The following GAPVD1 variants were observed in gnomAD, a reference collection of about 807,000 sequenced individuals.
The protein encoded by GAPVD1 is GTPase-activating protein and VPS9 domain-containing protein 1.
GAPVD1 carries 35 observed loss-of-function variants against 155.5 expected under a neutral mutation model. The ratio of observed to expected loss-of-function variants is 0.23; its 90% CI spans 0.17 to 0.30. The LOEUF is 0.30. GAPVD1 is among the 10% of genes least tolerant of loss of function. The pLI is 1.00. For synonymous variants in GAPVD1, 636 were observed against 619.7 expected, an observed-to-expected ratio of 1.03 and a Z score of -0.39; for missense variants, 1,429 against 1,775.7, an observed-to-expected ratio of 0.80 and a Z score of 3.51.
intron 24 of GAPVD1, among the ~76,000 whole-genome samples, chr9:125,355,240 G>A (rs899222914): frequency 6.9e-6 from 1 of 145,762 alleles, no homozygotes; most frequent in Non-Finnish European, 1.5e-5. Flanking sequence ...CAAGTAGCTG[G>A]GATTATAGGC....
At chr9:125,314,290 T>C (rs1843073528) in intron 9 of GAPVD1, among the ~76,000 whole-genome samples, 3 of 152,224 alleles carry the variant, frequency 2.0e-5, no homozygotes, top group Admixed American at 2.0e-4. Flanking sequence ...AAATAAATTT[T>C]TTTAAGAAAT....
chr9:125,276,288 TCAAAA>T (rs908341973), intron 2 of GAPVD1, among the ~76,000 whole-genome samples: 9 of 152,170 alleles, frequency 5.9e-5, no homozygotes, highest in Non-Finnish European at 8.8e-5. Flanking sequence ...AGGCCAGAGT[TCAAAA>T]CAAAACAAAA....
intron 1 of GAPVD1, among the ~76,000 whole-genome samples, chr9:125,266,564 C>T (rs1289455953): frequency 1.3e-4 from 20 of 152,070 alleles, no homozygotes; most frequent in Admixed American, 1.2e-3. Flanking sequence ...CCACCTGCCT[C>T]GGCCTCCCAA....
intron 27 of GAPVD1, 79 bp from the exon 28 acceptor site, chr9:125,362,527 A>G (rs1411014158): frequency 1.7e-5 from 19 of 1,149,424 alleles, no homozygotes; most frequent in Non-Finnish European, 2.2e-5. Context: ...ATAGAAGAAC[A>G]TTCGAAGAAC....
intron 23 of GAPVD1, among the ~76,000 whole-genome samples, chr9:125,352,802 G>C (rs1849496896): frequency 6.6e-6 from 1 of 152,254 alleles, no homozygotes; most frequent in Admixed American, 6.5e-5. Flanking sequence ...TTTATGCTCT[G>C]TTTCCCTTAT....
intron 1 of GAPVD1, among the ~76,000 whole-genome samples, chr9:125,262,936 T>C (rs1358129228): frequency 3.3e-5 from 5 of 152,082 alleles, no homozygotes; most frequent in Non-Finnish European, 7.4e-5. Context: ...TGCAGATAGC[T>C]CAGAATATCA....
chr9:125,350,642 A>T, intron 22 of GAPVD1, 71 bp from the exon 23 acceptor site: 1 of 938,504 alleles, frequency 1.1e-6, no homozygotes, highest in Non-Finnish European at 1.6e-6. Flanking sequence ...TGACGTCCCA[A>T]ATGCTGAATT....
intron 1 of GAPVD1, among the ~76,000 whole-genome samples, chr9:125,264,519 G>A (rs932694975): frequency 6.6e-6 from 1 of 151,894 alleles, no homozygotes; most frequent in African/African-American, 2.4e-5. Flanking sequence ...TGAAAGAATA[G>A]ACCATAGATA....
intron 9 of GAPVD1, among the ~76,000 whole-genome samples, chr9:125,313,522 C>G (rs1228262595): frequency 6.6e-6 from 1 of 152,052 alleles, no homozygotes; most frequent in Non-Finnish European, 1.5e-5. Context: ...CCAGGATGGT[C>G]TCGATCTCCT....
At chr9:125,359,636 G>A (rs770716342) in intron 26 of GAPVD1, 144 bp downstream of exon 26, 36 of 569,556 alleles carry the variant, frequency 6.3e-5, no homozygotes, top group Non-Finnish European at 9.6e-5. Context: ...GTCTAACTGC[G>A]AAGTTCCTGA....
intron 2 of GAPVD1, among the ~76,000 whole-genome samples, chr9:125,283,320 A>G (rs894953651): frequency 2.1e-4 from 32 of 151,590 alleles, no homozygotes; most frequent in Non-Finnish European, 3.8e-4. Flanking sequence ...CGGCCTCCCA[A>G]AGTGCTGGGA....
chr9:125,352,637 C>T (rs918402087), intron 23 of GAPVD1, among the ~76,000 whole-genome samples: 3 of 152,242 alleles, frequency 2.0e-5, no homozygotes, highest in African/African-American at 7.2e-5. Context: ...CCATGGAGAC[C>T]TCTGACATGC....
chr9:125,323,838 A>G lies in GAPVD1; in HGVS notation c.1773A>G (p.Leu591=), dbSNP rs1175919937. The part of the protein sequence containing the change: ...NRSNSVSSLD[L]EGESVSELGA... The stretch of plus-strand genomic sequence containing the variant: ...CCAATTCAGTGTCCTCCCTAGACCT[A>G]GAAGGAGAGTCTGTGTCAGAACTTG... The change falls in exon 11 of 28, where the codon CTA becomes CTG. Residue 591 remains leucine (L), a synonymous_variant. Coordinates refer to ENST00000297933, the MANE Select transcript of GAPVD1 (RefSeq NM_001282680.3). 10 of 1,612,938 alleles carry G rather than the reference A, an allele frequency of 6.2e-6. No homozygotes were observed. The highest frequency in any genetic ancestry group is 7.6e-6 in the Non-Finnish European group (9 of 1,178,910).
Position 125,355,862 on chromosome 9 carries a change from G to GT in GAPVD1, c.3971+6dup. 2 of 1,512,270 alleles carry GT rather than the reference G, an allele frequency of 1.3e-6. No individual in the cohort carries two copies. The highest frequency in any genetic ancestry group is 1.8e-6 in the Non-Finnish European group (2 of 1,086,944). 93.7% of individuals were successfully genotyped at this position (1,512,270 alleles called of 1,614,324 possible). On this transcript the variant is annotated splice_donor_region_variant and intron_variant, in intron 25 of 27. Transcript: ENST00000297933. Reference sequence around the variant, plus strand: ...TGGGGACATACTTCGCGACCAGTAAGTACTTCTATGTTGAGTGCCTATGTG... The same window carrying GT: ...TGGGGACATACTTCGCGACCAGTAAGTTACTTCTATGTTGAGTGCCTATGTG...
intron 20 of GAPVD1, among the ~76,000 whole-genome samples, chr9:125,348,099 T>C (rs1264103724): frequency 6.6e-6 from 1 of 152,122 alleles, no homozygotes; most frequent in East Asian, 1.9e-4. Flanking sequence ...TCACCCAGGC[T>C]GGAGTGCAGT....
At chr9:125,274,736 A>G (rs914435634) in intron 2 of GAPVD1, among the ~76,000 whole-genome samples, 1 of 152,232 alleles carries the variant, frequency 6.6e-6, no homozygotes, top group Non-Finnish European at 1.5e-5. Context: ...TGCTGGGATT[A>G]TAGGCGTGAG....
chr9:125,314,640 G>A (rs1336959258), intron 9 of GAPVD1, among the ~76,000 whole-genome samples: 1 of 151,818 alleles, frequency 6.6e-6, no homozygotes, highest in Admixed American at 6.6e-5. Context: ...GGCAACAAGA[G>A]TGAAACTCTG....
intron 10 of GAPVD1, among the ~76,000 whole-genome samples, chr9:125,322,108 A>G (rs777473300): frequency 1.3e-5 from 2 of 151,898 alleles, no homozygotes; most frequent in Non-Finnish European, 2.9e-5. Context: ...TTCGTTGCCC[A>G]GGCTGGAGTG....
In GAPVD1 at chr9:125,323,801, C is replaced by G. The variant is rs1260742401; in HGVS notation, c.1736C>G (p.Pro579Arg). 4 of 1,613,576 alleles carry G rather than the reference C, an allele frequency of 2.5e-6. No homozygotes were observed. Among genetic ancestry groups the G allele is most frequent in the Non-Finnish European group, 3.4e-6 (4 of 1,179,692 alleles). Residue 579 changes from proline (P) to arginine (R), a missense_variant, in exon 11 of 28, where the codon CCT (proline) becomes CGT (arginine). Physicochemically the swap from Pro to Arg is moderately radical, Grantham distance 103. Coordinates refer to ENST00000297933, the MANE Select transcript of GAPVD1 (RefSeq NM_001282680.3). ...CACACTATAAACATTTCTCTAGGTC[C>G]TTCAAATCGCTCCAATTCAGTGTCC... ...SDNLEGISEG[P>R]SNRSNSVSSL...
Sources: gnomAD v4.1 joint callset for allele counts (sites outside exome capture counted in the v4.1 genomes callset) on GRCh38, gnomAD v4.1.1 for gene constraint, MANE v1.5 for transcripts, NCBI Gene and HGNC (gene_info 2026-07-23, HGNC 2026-07-21) for gene names.